Variants in PTBP3 observed in about 807,000 individuals in gnomAD.
PTBP3 encodes the protein polypyrimidine tract-binding protein 3.
PTBP3 carries 20 observed loss-of-function variants against 58.7 expected under a neutral mutation model. The ratio of observed to expected loss-of-function variants is 0.34; its 90% CI spans 0.24 to 0.50. The LOEUF is 0.50. Among genes scored for constraint, PTBP3 ranks in the 20% least tolerant of loss-of-function variants. The probability of loss-of-function intolerance (pLI) is 0.98; values close to 1 mark genes in which losing one functional copy is unlikely to be tolerated. For synonymous variants in PTBP3, 185 were observed against 219.8 expected (o/e 0.84, Z 1.40); for missense variants, 509 against 637.2 (o/e 0.80, Z 2.17).
chr9:112,320,920 A>C (rs1410760205), intron 1 of PTBP3, among the ~76,000 whole-genome samples: 1 of 152,238 alleles, frequency 6.6e-6, no homozygotes, highest in Admixed American at 6.5e-5. Context: ...TTCTTAAAGC[A>C]AATAAATGAG....
chr9:112,284,857 G>A (rs983883980), intron 2 of PTBP3, among the ~76,000 whole-genome samples: 23 of 151,808 alleles, frequency 1.5e-4, no homozygotes, highest in Admixed American at 7.9e-4. Context: ...CTGTACCCCC[G>A]TTGTATCTTC....
intron 2 of PTBP3, among the ~76,000 whole-genome samples, chr9:112,284,073 G>A (rs915508889): frequency 2.6e-5 from 4 of 152,238 alleles, no homozygotes; most frequent in Non-Finnish European, 5.9e-5. Flanking sequence ...CCCTCATAGA[G>A]AAGCTCTACT....
At chr9:112,260,025 A>G (rs1027513382) in intron 5 of PTBP3, among the ~76,000 whole-genome samples, 1 of 152,174 alleles carries the variant, frequency 6.6e-6, no homozygotes, top group African/African-American at 2.4e-5. Flanking sequence ...CTCCTGCCTC[A>G]GCCTCCAGAA....
intron 5 of PTBP3, among the ~76,000 whole-genome samples, chr9:112,256,875 A>T (rs571235666): frequency 6.7e-6 from 1 of 150,180 alleles, no homozygotes; most frequent in Non-Finnish European, 1.5e-5. Flanking sequence ...TTTTCTTTTT[A>T]AAAAAATACT....
chr9:112,344,270 T>C, the PTBP3 span, among the ~76,000 whole-genome samples: 2 of 152,190 alleles, frequency 1.3e-5, no homozygotes, highest in African/African-American at 2.4e-5. Flanking sequence ...CATGTTGAAA[T>C]TTGATTATCA....
chr9:112,229,614 G>C (rs1835124260), intron 10 of PTBP3, among the ~76,000 whole-genome samples: 1 of 151,656 alleles, frequency 6.6e-6, no homozygotes, highest in Non-Finnish European at 1.5e-5. Flanking sequence ...TCATACTAAT[G>C]GCACTTTAAA....
At chr9:112,242,939 T>C (rs540536208) in intron 7 of PTBP3, 55 of 152,320 alleles carry the variant, frequency 3.6e-4, no homozygotes, top group African/African-American at 1.3e-3. Flanking sequence ...TATCCACTTA[T>C]ACAAAACCGA....
chr9:112,305,359 A>G (rs1422196149), intron 1 of PTBP3, among the ~76,000 whole-genome samples: 4 of 151,544 alleles, frequency 2.6e-5, no homozygotes, highest in African/African-American at 9.7e-5. Context: ...GATTTAGGGT[A>G]GGAGCTTTGG....
At chr9:112,295,699 T>A (rs1045630792) in intron 2 of PTBP3, among the ~76,000 whole-genome samples, 1 of 151,716 alleles carries the variant, frequency 6.6e-6, no homozygotes, top group African/African-American at 2.4e-5. Flanking sequence ...AACTATGTGA[T>A]TTATATGGAA....
chr9:112,220,201 G>C lies in PTBP3; in HGVS notation c.*3650C>G. ...TTTTTTGTCCAAAAATATCTCGTGGGAACAGAAGAGAAACTGCATGACAAT... is the reference window on the plus strand; with the variant it reads ...TTTTTTGTCCAAAAATATCTCGTGGCAACAGAAGAGAAACTGCATGACAAT... On this transcript the variant is annotated 3_prime_UTR_variant, in exon 14 of 14. Transcript: ENST00000374257. 1 of 1,345,584 alleles carries C rather than the reference G, an allele frequency of 7.4e-7. No homozygotes were observed. The highest frequency in any genetic ancestry group is 4.6e-5 in the East Asian group (1 of 21,750). The allele number at this position is 1,345,584 out of a possible 1,614,324, so 83.4% of individuals were successfully genotyped here. A position where few individuals can be genotyped will look rare whatever the true frequency, so the allele number is the denominator to read the frequency against.
Position 112,332,930 on chromosome 9 carries a change from G to A in PTBP3, c.-52+540C>T, listed in dbSNP as rs114913278. 3.6e-3 allele frequency: 5,534 copies of A among 1,540,580 alleles called. 187 individuals are homozygous for A. In the African/African-American group the frequency reaches 0.068, roughly 19 times the overall value. On this transcript the variant is annotated intron_variant, in intron 1 of 13. Transcript: ENST00000374257. The stretch of plus-strand genomic sequence containing the variant: ...GGAGACCTCGGCCAAGTCCCGCGGC[G>A]GCCCTGGGACCCCGCGTGGGACCAT...
intron 7 of PTBP3, among the ~76,000 whole-genome samples, chr9:112,249,520 A>G (rs1197614977): frequency 6.6e-6 from 1 of 152,150 alleles, no homozygotes; most frequent in East Asian, 1.9e-4. Flanking sequence ...TACTAGTGAT[A>G]GGCAAAGTAG....
intron 1 of PTBP3, chr9:112,330,581 T>C: frequency 2.9e-6 from 2 of 686,038 alleles, no homozygotes; most frequent in Non-Finnish European, 4.8e-6. Context: ...TAATAACAAA[T>C]AATAAAAATA....
At chr9:112,330,943 AGTT>A (rs1830343944) in intron 1 of PTBP3, among the ~76,000 whole-genome samples, 1 of 152,210 alleles carries the variant, frequency 6.6e-6, no homozygotes, top group African/African-American at 2.4e-5. Flanking sequence ...ACCAAAATAT[AGTT>A]AAGACAGTCT....
At position 112,301,363 on chromosome 9, in the gene PTBP3, G is replaced by A. The variant is rs140055490; in HGVS notation, c.-51-3447C>T. 2.1e-4 allele frequency among the ~76,000 whole-genome samples: 32 copies of A among 151,692 alleles called. No homozygotes were observed. The East Asian group carries it at 6.2e-3, about 29-fold the overall frequency. On this transcript the variant is annotated intron_variant, in intron 1 of 13. Transcript: ENST00000374257. Reference sequence around the variant, plus strand: ...AGTTACAATATCAAATGCAGACCAGGATGTGGAAAAAATAGATCTCTCATA... The same window carrying A: ...AGTTACAATATCAAATGCAGACCAGAATGTGGAAAAAATAGATCTCTCATA...
the PTBP3 span, among the ~76,000 whole-genome samples, chr9:112,342,041 G>A: frequency 6.6e-6 from 1 of 152,172 alleles, no homozygotes; most frequent in Admixed American, 6.5e-5. Flanking sequence ...CCCAATGTGG[G>A]CAGGCATCAT....
At chr9:112,228,554 G>T in intron 10 of PTBP3, 82 bp from the exon 11 acceptor site, 4 of 703,484 alleles carry the variant, frequency 5.7e-6, no homozygotes, top group Non-Finnish European at 6.1e-6. Context: ...CTTAAAGAAG[G>T]CATTTCTTAC....
At chr9:112,321,727 T>A (rs1829959355) in intron 1 of PTBP3, among the ~76,000 whole-genome samples, 1 of 152,052 alleles carries the variant, frequency 6.6e-6, no homozygotes, top group African/African-American at 2.4e-5. Context: ...ACTACTTAAA[T>A]GGTAACTCTG....
intron 5 of PTBP3, among the ~76,000 whole-genome samples, chr9:112,254,327 C>T (rs915063412): frequency 6.6e-6 from 1 of 152,030 alleles, no homozygotes; most frequent in African/African-American, 2.4e-5. Flanking sequence ...GAATAACTAT[C>T]CTTCCCTGGT....
Sources: allele counts gnomAD v4.1 joint callset (sites outside exome capture counted in the v4.1 genomes callset), GRCh38; gene constraint gnomAD v4.1.1; transcripts MANE v1.5; gene names NCBI Gene and HGNC (gene_info 2026-07-23, HGNC 2026-07-21).